CALD1: variants seen among roughly 807,000 people sequenced by gnomAD.
CALD1 encodes caldesmon 1, also known as caldesmon.
In CALD1, 33 loss-of-function variants were observed where a neutral mutation model predicts 99.9. The observed-to-expected ratio is 0.33, with a 90% CI of 0.25 to 0.44. The LOEUF is 0.44. Ranked by LOEUF, CALD1 falls within the 20% of genes least tolerant of loss-of-function variation. The probability of loss-of-function intolerance (pLI) is 1.00; values close to 1 mark genes in which losing one functional copy is unlikely to be tolerated. For missense variants in CALD1, 861 were observed against 962.1 expected (o/e 0.89, Z 1.39); for synonymous variants, 310 against 325.0 (o/e 0.95, Z 0.50).
intron 7 of CALD1, among the ~76,000 whole-genome samples, chr7:134,945,173 T>C (rs1806760386): frequency 6.6e-6 from 1 of 152,126 alleles, no homozygotes; most frequent in Admixed American, 6.5e-5. Context: ...CAAAAGAAAA[T>C]TCAACATAAT....
At position 134,941,244 on chromosome 7, in the gene CALD1, A is replaced by G; in HGVS notation, c.1532+7A>G. The stretch of plus-strand genomic sequence containing the variant: ...ATACTGAGAATACTTTCAGGTAAGA[A>G]GTAGCAACTAGTTAATAGAAACTGT... On this transcript the variant is annotated splice_region_variant and intron_variant, in intron 7 of 14. Coordinates refer to ENST00000361675, the MANE Select transcript of CALD1 (RefSeq NM_033138.4). The G allele has an allele frequency of 6.3e-7, 1 of 1,585,294 alleles. No individual in the cohort carries two copies. The highest frequency in any genetic ancestry group is 8.5e-7 in the Non-Finnish European group (1 of 1,170,186).
chr7:134,908,468 T>C (rs1468967548), intron 3 of CALD1, among the ~76,000 whole-genome samples: 1 of 152,180 alleles, frequency 6.6e-6, no homozygotes, highest in Admixed American at 6.5e-5. Context: ...TCTGAATGAC[T>C]CGACACTGCC....
chr7:134,823,106 T>C (rs1798846932), intron 1 of CALD1, among the ~76,000 whole-genome samples: 1 of 152,208 alleles, frequency 6.6e-6, no homozygotes, highest in Non-Finnish European at 1.5e-5. Context: ...TTGGGGAAGA[T>C]GTATGCCTCT....
At chr7:134,716,076 C>T in the CALD1 span, among the ~76,000 whole-genome samples, 6 of 152,054 alleles carry the variant, frequency 3.9e-5, no homozygotes, top group African/African-American at 7.2e-5. Flanking sequence ...TATTTTGAAA[C>T]AGAATATAGT....
chr7:134,856,409 A>G (rs1800305365), intron 2 of CALD1, among the ~76,000 whole-genome samples: 1 of 152,194 alleles, frequency 6.6e-6, no homozygotes, highest in South Asian at 2.1e-4. Context: ...TAGGTTCCCA[A>G]GCAAACCTCC....
At chr7:134,771,972 T>A (rs537257789) in intron 1 of CALD1, among the ~76,000 whole-genome samples, 1 of 152,212 alleles carries the variant, frequency 6.6e-6, no homozygotes, top group African/African-American at 2.4e-5. Flanking sequence ...ATGTGTTAAC[T>A]AATGTGTATA....
the CALD1 span, among the ~76,000 whole-genome samples, chr7:134,729,402 T>C: frequency 1.3e-5 from 2 of 152,332 alleles, no homozygotes; most frequent in East Asian, 1.9e-4. Flanking sequence ...TGGTTTCCGA[T>C]GTCTACCTGT....
chr7:134,755,211 G>A (rs1436820594), intron 1 of CALD1, among the ~76,000 whole-genome samples: 1 of 152,108 alleles, frequency 6.6e-6, no homozygotes, highest in Non-Finnish European at 1.5e-5. Context: ...ATGTTGGCCA[G>A]GCTGGTCTTG....
chr7:134,857,459 T>G (rs184763436), intron 2 of CALD1, among the ~76,000 whole-genome samples: 9 of 152,006 alleles, frequency 5.9e-5, no homozygotes, highest in African/African-American at 2.2e-4. Context: ...GCCCGGCCAG[T>G]TTTGTGCTAT....
chr7:134,763,872 C>A (rs553302580), intron 1 of CALD1, among the ~76,000 whole-genome samples: 1 of 145,654 alleles, frequency 6.9e-6, no homozygotes, highest in South Asian at 2.2e-4. Flanking sequence ...GAGCCGAGAT[C>A]GTGCCATTGC....
intron 1 of CALD1, among the ~76,000 whole-genome samples, chr7:134,753,858 A>G (rs2131571877): frequency 6.6e-6 from 1 of 152,238 alleles, no homozygotes; most frequent in East Asian, 1.9e-4. Context: ...CTGACTCCAG[A>G]AATTTGTATT....
chr7:134,854,707 C>T (rs1323606691), intron 2 of CALD1, among the ~76,000 whole-genome samples: 1 of 152,106 alleles, frequency 6.6e-6, no homozygotes, highest in Non-Finnish European at 1.5e-5. Context: ...ATTTTTTTCC[C>T]CTCAAATGAG....
At chr7:134,965,646 T>C (rs557717505) in intron 14 of CALD1, among the ~76,000 whole-genome samples, 1 of 152,212 alleles carries the variant, frequency 6.6e-6, no homozygotes, top group East Asian at 1.9e-4. Context: ...GTAGGAACAT[T>C]GGCAGCAGAA....
At chr7:134,776,887 C>G (rs893617683), upstream of CALD1, among the ~76,000 whole-genome samples, 5 of 152,126 alleles carry the variant, frequency 3.3e-5, no homozygotes, top group Non-Finnish European at 7.4e-5. Flanking sequence ...CGCAAACACT[C>G]AGTTGTAACT....
intron 1 of CALD1, among the ~76,000 whole-genome samples, chr7:134,791,260 G>A (rs1191141482): frequency 6.6e-6 from 1 of 152,144 alleles, no homozygotes; most frequent in Non-Finnish European, 1.5e-5. Flanking sequence ...GCAGTGGCAC[G>A]ATCTCGGCTC....
Position 134,891,608 on chromosome 7 carries a change from C to A in CALD1, c.71+23804C>A, listed in dbSNP as rs201096071. 780 of 1,606,928 alleles carry A rather than the reference C, an allele frequency of 4.9e-4. 4 individuals are homozygous for A. Among genetic ancestry groups the A allele is most frequent in the Admixed American group, 1.1e-3 (65 of 59,612 alleles). On this transcript the variant is annotated intron_variant, in intron 3 of 14. Transcript: ENST00000361675. ...GTATCTCTCTGCCCCGCCGCCCCTT[C>A]CCAACTGCGGACATGCTGGGTGGAT...
At chr7:134,812,551 C>T (rs965927664) in intron 1 of CALD1, among the ~76,000 whole-genome samples, 2 of 150,700 alleles carry the variant, frequency 1.3e-5, no homozygotes, top group African/African-American at 4.9e-5. Flanking sequence ...CTGCTATTAT[C>T]CATTTACCAG....
the CALD1 span, among the ~76,000 whole-genome samples, chr7:134,713,942 G>T: frequency 2.6e-5 from 4 of 152,180 alleles, no homozygotes; most frequent in Admixed American, 1.3e-4. Flanking sequence ...AATGTTGGAG[G>T]TGGGGCCTGG....
intron 13 of CALD1, among the ~76,000 whole-genome samples, chr7:134,964,105 G>A (rs1808485619): frequency 6.6e-6 from 1 of 152,226 alleles, no homozygotes; most frequent in African/African-American, 2.4e-5. Flanking sequence ...GCTGAGGCAG[G>A]AGAATCGCTT....
Sources: allele counts gnomAD v4.1 joint callset (sites outside exome capture counted in the v4.1 genomes callset), GRCh38; gene constraint gnomAD v4.1.1; transcripts MANE v1.5; gene names NCBI Gene and HGNC (gene_info 2026-07-23, HGNC 2026-07-21).